Variants in UBE2H observed in about 807,000 individuals in gnomAD.
The protein encoded by UBE2H is ubiquitin-conjugating enzyme E2 H.
A neutral mutation model predicts 29.0 loss-of-function variants in UBE2H; 3 were observed. That is an observed-to-expected ratio of 0.10 (90% CI 0.05 to 0.27). The LOEUF (loss-of-function observed/expected upper bound fraction) is 0.27, where lower values mean the gene tolerates loss of function less well. Among genes scored for constraint, UBE2H ranks in the 10% least tolerant of loss-of-function variants. UBE2H has a pLI of 1.00. For synonymous variants in UBE2H, 69 were observed against 82.9 expected, an observed-to-expected ratio of 0.83 and a Z score of 0.91; for missense variants, 68 against 228.2, an observed-to-expected ratio of 0.30 and a Z score of 4.52.
At position 129,927,692 on chromosome 7, in the gene UBE2H, G is replaced by A. The variant is rs761469319; in HGVS notation, c.53+24811C>T. 2.4e-4 allele frequency among the ~76,000 whole-genome samples: 36 copies of A among 152,250 alleles called. 1 individual carries two copies. Among genetic ancestry groups the A allele is most frequent in the Non-Finnish European group, 4.3e-4 (29 of 68,012 alleles). ...CATGGATGAGTTTAGGGGACATTAC[G>A]TTAAGTAAAATAAAGCAGGCACGCA... On this transcript the variant is annotated intron_variant, in intron 1 of 6. Coordinates refer to ENST00000355621, the MANE Select transcript of UBE2H (RefSeq NM_003344.4).
chr7:129,852,837 T>G (rs940435859), intron 5 of UBE2H, among the ~76,000 whole-genome samples: 1 of 152,140 alleles, frequency 6.6e-6, no homozygotes, highest in African/African-American at 2.4e-5. Context: ...GCAATTCTCC[T>G]GCCTCAGCTG....
chr7:129,906,584 T>C (rs1300371949), intron 1 of UBE2H, among the ~76,000 whole-genome samples: 2 of 152,200 alleles, frequency 1.3e-5, no homozygotes, highest in East Asian at 3.9e-4. Flanking sequence ...TTAAGTTAAG[T>C]ATTTGTTAGG....
chr7:129,877,972 G>GTT (rs60318196), intron 3 of UBE2H, among the ~76,000 whole-genome samples: 116 of 152,246 alleles, frequency 7.6e-4, no homozygotes, highest in African/African-American at 2.6e-3. Flanking sequence ...TTAGCCTTTA[G>GTT]GTAAACAGGT....
chr7:129,946,245 G>C (rs1356864243), intron 1 of UBE2H, among the ~76,000 whole-genome samples: 1 of 151,220 alleles, frequency 6.6e-6, no homozygotes, highest in East Asian at 1.9e-4. Context: ...ATTTTTAGTA[G>C]AGATGGGTTT....
At chr7:129,947,899 C>T (rs1807797080) in intron 1 of UBE2H, among the ~76,000 whole-genome samples, 1 of 152,096 alleles carries the variant, frequency 6.6e-6, no homozygotes, top group Non-Finnish European at 1.5e-5. Flanking sequence ...GTCGTCCAGG[C>T]TGGAGTGCAA....
At chr7:129,868,536 C>T (rs1442378903) in intron 3 of UBE2H, among the ~76,000 whole-genome samples, 3 of 132,512 alleles carry the variant, frequency 2.3e-5, no homozygotes, top group Admixed American at 8.7e-5. Flanking sequence ...GCCGAGATTG[C>T]GCCACTGCAG....
At chr7:129,950,687 C>G (rs904300951) in intron 1 of UBE2H, among the ~76,000 whole-genome samples, 3 of 152,170 alleles carry the variant, frequency 2.0e-5, no homozygotes, top group Admixed American at 1.3e-4. Flanking sequence ...TTAGGTGTGA[C>G]AGTAACTCTC....
intron 1 of UBE2H, among the ~76,000 whole-genome samples, chr7:129,886,845 G>T (rs999904779): frequency 4.6e-5 from 7 of 151,672 alleles, no homozygotes; most frequent in Admixed American, 1.3e-4. Flanking sequence ...TAGTGCTTTG[G>T]GGGGGATATG....
At chr7:129,913,372 T>C (rs1320139368) in intron 1 of UBE2H, among the ~76,000 whole-genome samples, 2 of 152,056 alleles carry the variant, frequency 1.3e-5, no homozygotes, top group Non-Finnish European at 2.9e-5. Context: ...TTTTACTTTA[T>C]ATCCAATTCA....
chr7:129,946,015 G>C (rs886894461), intron 1 of UBE2H, among the ~76,000 whole-genome samples: 1 of 151,750 alleles, frequency 6.6e-6, no homozygotes, highest in Non-Finnish European at 1.5e-5. Context: ...CAAAGTGCTG[G>C]ATGTATAGGC....
At chr7:129,898,813 C>CTTTT (rs60318810) in intron 1 of UBE2H, among the ~76,000 whole-genome samples, 2 of 145,852 alleles carry the variant, frequency 1.4e-5, no homozygotes, top group East Asian at 4.0e-4. Context: ...AGTTGCAGGC[C>CTTTT]TTTTTTTTTT....
chr7:129,902,274 G>T lies in UBE2H; in HGVS notation c.54-21303C>A, dbSNP rs1487906021. Among the ~76,000 whole-genome samples the T allele has an allele frequency of 2.0e-5, 3 of 152,164 alleles. No homozygotes were observed. In the South Asian group the frequency reaches 6.2e-4, roughly 32 times the overall value. ...AGCACTTTGGGAGGCCGAGGCGGAT[G>T]GATCACCTGAGGTCAGGAGTTCAAG... On this transcript the variant is annotated intron_variant, in intron 1 of 6. Coordinates refer to ENST00000355621, the MANE Select transcript of UBE2H (RefSeq NM_003344.4).
chr7:129,898,074 T>C (rs561049895), intron 1 of UBE2H, among the ~76,000 whole-genome samples: 5 of 152,146 alleles, frequency 3.3e-5, no homozygotes, highest in Admixed American at 1.3e-4. Context: ...TGGAAAAAAA[T>C]TGCTGTTAAA....
chr7:129,941,115 C>T (rs556072065), intron 1 of UBE2H, among the ~76,000 whole-genome samples: 165 of 152,182 alleles, frequency 1.1e-3, no homozygotes, highest in Non-Finnish European at 1.4e-3. Flanking sequence ...CCACCACGCC[C>T]GGCTAATTTT....
At chr7:129,891,334 C>T (rs77166298) in intron 1 of UBE2H, among the ~76,000 whole-genome samples, 9,484 of 151,724 alleles carry the variant, frequency 0.063, 363 homozygotes, top group Non-Finnish European at 0.091. Context: ...TACAGGCATG[C>T]GCCACCGCAC....
At chr7:129,864,556 C>T (rs150779434) in intron 3 of UBE2H, among the ~76,000 whole-genome samples, 8,284 of 130,936 alleles carry the variant, frequency 0.063, 373 homozygotes, top group Middle Eastern at 0.093. Context: ...TCTTTTCTTT[C>T]TTTTTTTTTT....
At chr7:129,888,480 C>CTT (rs529356674) in intron 1 of UBE2H, among the ~76,000 whole-genome samples, 9 of 145,294 alleles carry the variant, frequency 6.2e-5, no homozygotes, top group African/African-American at 1.0e-4. Context: ...TAGCAAGACC[C>CTT]TTTTTTTTTT....
chr7:129,945,771 G>A (rs1247974749), intron 1 of UBE2H, among the ~76,000 whole-genome samples: 6 of 151,162 alleles, frequency 4.0e-5, no homozygotes, highest in South Asian at 2.1e-4. Flanking sequence ...ACTGAGTTTC[G>A]CTCTTGTTGC....
chr7:129,849,866 G>C (rs1413430852), intron 5 of UBE2H, among the ~76,000 whole-genome samples: 1 of 152,166 alleles, frequency 6.6e-6, no homozygotes, highest in Admixed American at 6.5e-5. Flanking sequence ...CTCATGTGTG[G>C]AGAAAATATA....
Sources: gnomAD v4.1 joint callset for allele counts (sites outside exome capture counted in the v4.1 genomes callset) on GRCh38, gnomAD v4.1.1 for gene constraint, MANE v1.5 for transcripts, NCBI Gene and HGNC (gene_info 2026-07-23, HGNC 2026-07-21) for gene names.